DNAH17: variants seen among roughly 807,000 people sequenced by gnomAD.
The protein encoded by DNAH17 is axonemal beta dynein heavy chain 17.
In DNAH17, 376 loss-of-function variants were observed where a neutral mutation model predicts 485.6. That is an observed-to-expected ratio of 0.77 (90% CI 0.71 to 0.84). The LOEUF is 0.84. Ranked by LOEUF, DNAH17 falls within the 40% of genes least tolerant of loss-of-function variation. The probability of loss-of-function intolerance (pLI) is 0.00; values close to 1 mark genes in which losing one functional copy is unlikely to be tolerated. For synonymous variants in DNAH17, 3,031 were observed against 2,405.9 expected, an observed-to-expected ratio of 1.26 and a Z score of -7.60; for missense variants, 6,370 against 5,839.3, an observed-to-expected ratio of 1.09 and a Z score of -2.96.
chr17:78,514,462 G>A lies in DNAH17; in HGVS notation c.4113+312C>T, dbSNP rs147069156. On this transcript the variant is annotated intron_variant, in intron 26 of 80. Coordinates refer to ENST00000389840, the MANE Select transcript of DNAH17 (RefSeq NM_173628.4). ...GGAGGTTGCAGTGAGCCAAGATCGCGCCACTGCACTCCAACCTGGTGACAG... is the reference window on the plus strand; with the variant it reads ...GGAGGTTGCAGTGAGCCAAGATCGCACCACTGCACTCCAACCTGGTGACAG... Among the ~76,000 whole-genome samples, 918 of 133,582 alleles carry A rather than the reference G, an allele frequency of 6.9e-3. 22 individuals are homozygous for A. The highest frequency in any genetic ancestry group is 0.053 in the East Asian group (232 of 4,410). The allele number at this position is 133,582 out of a possible 152,430, so 87.6% of individuals were successfully genotyped here. A position where few individuals can be genotyped will look rare whatever the true frequency, so the allele number is the denominator to read the frequency against.
At chr17:78,477,895 C>T (rs2089109132) in intron 51 of DNAH17, among the ~76,000 whole-genome samples, 1 of 151,570 alleles carries the variant, frequency 6.6e-6, no homozygotes, top group Non-Finnish European at 1.5e-5. Flanking sequence ...GCTATCATCA[C>T]CACCATCATC....
At chr17:78,499,519 GTGTCTCTCTA>G in intron 36 of DNAH17, 1 of 148,214 alleles carries the variant, frequency 6.7e-6, no homozygotes, top group East Asian at 1.9e-4. Flanking sequence ...CAAGACATCT[GTGTCTCTCTA>G]GGCCCCACCT....
chr17:78,518,713 C>T (rs1326221091), intron 25 of DNAH17, among the ~76,000 whole-genome samples: 1 of 152,112 alleles, frequency 6.6e-6, no homozygotes, highest in African/African-American at 2.4e-5. Context: ...GTTCAAGTGC[C>T]CATGGGACAT....
In DNAH17 at chr17:78,491,313, G is replaced by A. The variant is rs553912947; in HGVS notation, c.6669+130C>T. 268 of 1,337,376 alleles carry A rather than the reference G, an allele frequency of 2.0e-4. 2 individuals carry two copies. In the African/African-American group the frequency reaches 3.5e-3, roughly 17 times the overall value. 82.8% of individuals were successfully genotyped at this position (1,337,376 alleles called of 1,614,324 possible). ...GTGCCCCTCACTCATAGCTTCCTGT[G>A]GAGATCCAGACACGCCACCTGCGCC... On this transcript the variant is annotated intron_variant, in intron 43 of 80. Coordinates refer to ENST00000389840, the MANE Select transcript of DNAH17 (RefSeq NM_173628.4).
intron 13 of DNAH17, among the ~76,000 whole-genome samples, chr17:78,559,445 G>A (rs1045259507): frequency 1.3e-5 from 2 of 151,956 alleles, no homozygotes; most frequent in African/African-American, 2.4e-5. Flanking sequence ...TTCCAATCAC[G>A]CTCCATTTCC....
chr17:78,517,952 A>C (rs142385755), intron 25 of DNAH17, among the ~76,000 whole-genome samples: 4 of 152,240 alleles, frequency 2.6e-5, no homozygotes, highest in African/African-American at 9.6e-5. Context: ...TTCTACACAC[A>C]AAAGTGACAA....
chr17:78,562,698 TTCTAC>T (rs2092182871), intron 11 of DNAH17, among the ~76,000 whole-genome samples: 1 of 152,352 alleles, frequency 6.6e-6, no homozygotes, highest in South Asian at 2.1e-4. Flanking sequence ...ATACCTGGGC[TTCTAC>T]TCTGATACAG....
intron 16 of DNAH17, among the ~76,000 whole-genome samples, chr17:78,550,839 A>C (rs1039714987): frequency 1.3e-5 from 2 of 152,202 alleles, no homozygotes; most frequent in Non-Finnish European, 2.9e-5. Flanking sequence ...CAAAAGAAAG[A>C]TATTTTGGAC....
In DNAH17 at chr17:78,496,435, A is replaced by G. The variant is rs541542953; in HGVS notation, c.5746-403T>C. ...TAGCCTGATGGGAACATCTTGCCTAATAACAGTACCAGTCACAGCGGGGGT... is the reference window on the plus strand; with the variant it reads ...TAGCCTGATGGGAACATCTTGCCTAGTAACAGTACCAGTCACAGCGGGGGT... On this transcript the variant is annotated intron_variant, in intron 37 of 80. Transcript: ENST00000389840. Among the ~76,000 whole-genome samples the G allele has an allele frequency of 1.1e-4, 16 of 144,310 alleles. 1 individual carries two copies. The South Asian group carries it at 3.7e-3, about 33-fold the overall frequency. The allele number at this position is 144,310 out of a possible 152,430, so 94.7% of individuals were successfully genotyped here. A position where few individuals can be genotyped will look rare whatever the true frequency, so the allele number is the denominator to read the frequency against.
At chr17:78,458,105 G>A (rs1054476339) in intron 62 of DNAH17, among the ~76,000 whole-genome samples, 7 of 152,222 alleles carry the variant, frequency 4.6e-5, no homozygotes, top group African/African-American at 1.4e-4. Flanking sequence ...TGCCCAGCCA[G>A]CCTCTGTACT....
chr17:78,543,099 G>A lies in DNAH17; in HGVS notation c.2532+758C>T, dbSNP rs918162079. ...TACTACTTAAAGATAAGGCTCGCTT[G>A]GATTAAAGATCATAGGTTTTGTTTT... On this transcript the variant is annotated intron_variant, in intron 17 of 80. Transcript: ENST00000389840. Among the ~76,000 whole-genome samples the A allele has an allele frequency of 6.3e-4, 89 of 141,138 alleles. 1 individual carries two copies. The highest frequency in any genetic ancestry group is 4.4e-3 in the Admixed American group (62 of 14,122). 92.6% of individuals were successfully genotyped at this position (141,138 alleles called of 152,430 possible). A position where few individuals can be genotyped will look rare whatever the true frequency, so the allele number is the denominator to read the frequency against.
At position 78,502,936 on chromosome 17, in the gene DNAH17, T is replaced by C. The variant is rs1001753217; in HGVS notation, c.5032A>G (p.Thr1678Ala). ...LRHEIPEAVV[T>A]YEEKPREQWI... Reference sequence around the variant, plus strand: ...TGCTCCCTCGGCTTCTCTTCGTAGGTCACCACGGCCTCTGGGATTTCGTGC... The same window carrying C: ...TGCTCCCTCGGCTTCTCTTCGTAGGCCACCACGGCCTCTGGGATTTCGTGC... The change falls in exon 32 of 81, where the codon ACC becomes GCC. Residue 1678 changes from threonine to alanine, a missense_variant. Physicochemically the swap from Thr to Ala is moderately conservative, Grantham distance 58. Coordinates refer to ENST00000389840, the MANE Select transcript of DNAH17 (RefSeq NM_173628.4). 1 of 1,613,940 alleles carries C rather than the reference T, an allele frequency of 6.2e-7. No individual in the cohort carries two copies.
chr17:78,446,478 T>C (rs1175156828), intron 69 of DNAH17, among the ~76,000 whole-genome samples: 1 of 152,126 alleles, frequency 6.6e-6, no homozygotes, highest in African/African-American at 2.4e-5. Context: ...GGTTCATCCA[T>C]ATTGTAGATG....
Position 78,496,019 on chromosome 17 carries a change from T to C in DNAH17, c.5759A>G (p.Gln1920Arg). The C allele has an allele frequency of 2.5e-6, 4 of 1,613,820 alleles. No homozygotes were observed. The highest frequency in any genetic ancestry group is 3.4e-6 in the Non-Finnish European group (4 of 1,179,768). Residue 1920 changes from glutamine (Q) to arginine (R), a missense_variant, in exon 38 of 81, where the codon CAG becomes CGG. Physicochemically the swap from Gln to Arg is conservative, Grantham distance 43 (BLOSUM62 1). Coordinates refer to ENST00000389840, the MANE Select transcript of DNAH17 (RefSeq NM_173628.4). Reference sequence around the variant, plus strand: ...TTTTTTCTTGGCCCGAATTGCATCCTGGACACATTTTACCTGCACGGTTGG... The same window carrying C: ...TTTTTTCTTGGCCCGAATTGCATCCCGGACACATTTTACCTGCACGGTTGG... ...SVIAVQVKCVQDAIRAKKKAF... is the reference protein window; with the variant it reads ...SVIAVQVKCVRDAIRAKKKAF...
At chr17:78,467,519 A>G (rs938138385) in intron 55 of DNAH17, among the ~76,000 whole-genome samples, 6 of 152,192 alleles carry the variant, frequency 3.9e-5, no homozygotes, top group Admixed American at 2.0e-4. Flanking sequence ...TGGCTCACAG[A>G]TAACATTCAC....
At chr17:78,525,253 C>A in intron 24 of DNAH17, 92 bp from the exon 25 acceptor site, 1 of 1,509,342 alleles carries the variant, frequency 6.6e-7, no homozygotes. Flanking sequence ...CTCCAGTGTG[C>A]CCTCCCTGAT....
chr17:78,533,692 T>C (rs925824203), intron 19 of DNAH17, among the ~76,000 whole-genome samples: 3 of 152,282 alleles, frequency 2.0e-5, no homozygotes, highest in Non-Finnish European at 2.9e-5. Context: ...TTTGACATCT[T>C]ATTTCTTTTT....
At chr17:78,493,872 G>C in intron 41 of DNAH17, 164 bp downstream of exon 41, 1 of 1,007,100 alleles carries the variant, frequency 9.9e-7, no homozygotes. Context: ...CCTCCTCCTC[G>C]GCCCCCAGCT....
chr17:78,479,763 GT>G (rs1164142116), intron 49 of DNAH17, 131 bp from the exon 50 acceptor site: 7 of 1,258,894 alleles, frequency 5.6e-6, no homozygotes, highest in African/African-American at 1.5e-5. Context: ...AGAATGGGCA[GT>G]TACCCTCCTT....
Sources: gnomAD v4.1 joint callset for allele counts (sites outside exome capture counted in the v4.1 genomes callset) on GRCh38, gnomAD v4.1.1 for gene constraint, MANE v1.5 for transcripts, NCBI Gene and HGNC (gene_info 2026-07-23, HGNC 2026-07-21) for gene names.